KCNIP4: variants seen among roughly 807,000 people sequenced by gnomAD.
KCNIP4 encodes potassium voltage-gated channel interacting protein 4, also known as Kv channel-interacting protein 4.
A neutral mutation model predicts 34.0 loss-of-function variants in KCNIP4; 12 were observed. That is an observed-to-expected ratio of 0.35 (90% CI 0.23 to 0.57). The LOEUF (loss-of-function observed/expected upper bound fraction) is 0.57, where lower values mean the gene tolerates loss of function less well. KCNIP4 is among the 20% of genes least tolerant of loss of function. KCNIP4 has a pLI of 0.83. For synonymous variants in KCNIP4, 124 were observed against 102.2 expected, an observed-to-expected ratio of 1.21 and a Z score of -1.29; for missense variants, 238 against 311.7, an observed-to-expected ratio of 0.76 and a Z score of 1.78.
At chr4:21,558,075 C>T (rs1739219810) in intron 1 of KCNIP4, among the ~76,000 whole-genome samples, 1 of 152,122 alleles carries the variant, frequency 6.6e-6, no homozygotes, top group Non-Finnish European at 1.5e-5. Flanking sequence ...TGTGCCGTGG[C>T]CAGCAGTGTT....
chr4:21,351,551 C>A (rs772741118), intron 1 of KCNIP4, among the ~76,000 whole-genome samples: 3 of 152,142 alleles, frequency 2.0e-5, no homozygotes, highest in Admixed American at 6.5e-5. Context: ...CTTTAAATAG[C>A]AGTGTGAGAA....
At chr4:21,496,012 T>C (rs1732821139) in intron 1 of KCNIP4, among the ~76,000 whole-genome samples, 1 of 152,220 alleles carries the variant, frequency 6.6e-6, no homozygotes, top group South Asian at 2.1e-4. Context: ...TTGATGCAGA[T>C]GGTCCAAGAG....
chr4:21,037,684 C>A lies in KCNIP4; in HGVS notation c.62-154975G>T, dbSNP rs549250972. On this transcript the variant is annotated intron_variant, in intron 1 of 8. Transcript: ENST00000382152. Reference sequence around the variant, plus strand: ...AAGTGGCTAGATCCAGTATCACACGCGGTCTTTGCTAGAAACAAATGAATG... The same window carrying A: ...AAGTGGCTAGATCCAGTATCACACGAGGTCTTTGCTAGAAACAAATGAATG... Among the ~76,000 whole-genome samples, 7 of 152,312 alleles carry A rather than the reference C, an allele frequency of 4.6e-5. No individual in the cohort carries two copies. In the South Asian group the frequency reaches 1.4e-3, roughly 32 times the overall value.
chr4:20,974,652 C>CT (rs1395216887), intron 1 of KCNIP4, among the ~76,000 whole-genome samples: 3 of 152,128 alleles, frequency 2.0e-5, no homozygotes, highest in Admixed American at 6.5e-5. Context: ...ATGCTCTCCA[C>CT]TTTCTAAATA....
chr4:21,115,226 G>A (rs1749585314), intron 1 of KCNIP4, among the ~76,000 whole-genome samples: 1 of 152,118 alleles, frequency 6.6e-6, no homozygotes, highest in Admixed American at 6.6e-5. Context: ...ACCATACACA[G>A]TTTAATACAG....
chr4:21,635,547 A>G (rs546709771), intron 1 of KCNIP4, among the ~76,000 whole-genome samples: 28 of 152,292 alleles, frequency 1.8e-4, no homozygotes, highest in Non-Finnish European at 3.4e-4. Flanking sequence ...AATGCTCATC[A>G]TCACTGGCCA....
chr4:20,740,974 A>G (rs1750932769), intron 5 of KCNIP4, among the ~76,000 whole-genome samples: 1 of 151,994 alleles, frequency 6.6e-6, no homozygotes, highest in Non-Finnish European at 1.5e-5. Flanking sequence ...ACAGACAAAG[A>G]AGGCTATTAC....
At chr4:21,643,098 T>A (rs562573429) in intron 1 of KCNIP4, among the ~76,000 whole-genome samples, 1 of 152,216 alleles carries the variant, frequency 6.6e-6, no homozygotes, top group East Asian at 1.9e-4. Context: ...AGTACAGAAA[T>A]GGGAACTGTG....
chr4:20,861,568 A>G (rs1175843422), intron 2 of KCNIP4, among the ~76,000 whole-genome samples: 1 of 152,222 alleles, frequency 6.6e-6, no homozygotes, highest in African/African-American at 2.4e-5. Context: ...ACAAACACCA[A>G]AAAATGAACA....
At chr4:21,239,446 G>A (rs576854291) in intron 1 of KCNIP4, among the ~76,000 whole-genome samples, 25 of 151,520 alleles carry the variant, frequency 1.6e-4, no homozygotes, top group African/African-American at 4.9e-4. Context: ...GCAACCTACA[G>A]AATGGGAGAA....
intron 1 of KCNIP4, among the ~76,000 whole-genome samples, chr4:21,889,005 G>C (rs936772932): frequency 6.6e-6 from 1 of 152,132 alleles, no homozygotes; most frequent in Non-Finnish European, 1.5e-5. Context: ...TGACAAGTTA[G>C]CCTGAACACA....
At chr4:20,809,713 C>T (rs1425396255) in intron 3 of KCNIP4, among the ~76,000 whole-genome samples, 1 of 152,178 alleles carries the variant, frequency 6.6e-6, no homozygotes, top group South Asian at 2.1e-4. Context: ...AATAAACTTA[C>T]TCTCTTGTAA....
chr4:21,304,709 T>A (rs938359063), intron 1 of KCNIP4: 8 of 152,326 alleles, frequency 5.3e-5, no homozygotes, highest in African/African-American at 1.7e-4. Context: ...TTCTTTCCCA[T>A]GAGTCACCTT....
intron 1 of KCNIP4, among the ~76,000 whole-genome samples, chr4:21,692,941 A>G (rs1000208920): frequency 3.4e-5 from 5 of 147,194 alleles, no homozygotes; most frequent in African/African-American, 1.3e-4. Flanking sequence ...CCCTATGTGT[A>G]AATGTGGCTG....
chr4:21,011,353 G>A lies in KCNIP4; in HGVS notation c.62-128644C>T, dbSNP rs184313095. ...GTCTTCTGATCACTGAGTCATAAGAGTAACACTTCTCAAGTTGTTATTGTT... is the reference window on the plus strand; with the variant it reads ...GTCTTCTGATCACTGAGTCATAAGAATAACACTTCTCAAGTTGTTATTGTT... On this transcript the variant is annotated intron_variant, in intron 1 of 8. Transcript: ENST00000382152. Among the ~76,000 whole-genome samples, 16 of 152,304 alleles carry A rather than the reference G, an allele frequency of 1.1e-4. No individual in the cohort carries two copies. The East Asian group carries it at 1.9e-3, about 18-fold the overall frequency.
intron 3 of KCNIP4, among the ~76,000 whole-genome samples, chr4:20,811,256 AG>A (rs1715715481): frequency 6.6e-6 from 1 of 152,216 alleles, no homozygotes; most frequent in South Asian, 2.1e-4. Flanking sequence ...CGTGAAAAAT[AG>A]GGAAATTCAT....
chr4:21,312,789 G>T (rs769464683), intron 1 of KCNIP4, among the ~76,000 whole-genome samples: 34 of 152,258 alleles, frequency 2.2e-4, no homozygotes, highest in Non-Finnish European at 3.8e-4. Flanking sequence ...GACTGTGAAT[G>T]ATCCCACACT....
intron 1 of KCNIP4, among the ~76,000 whole-genome samples, chr4:21,944,529 C>T (rs944438741): frequency 6.9e-6 from 1 of 145,024 alleles, no homozygotes; most frequent in Non-Finnish European, 1.5e-5. Context: ...TGCACTCCAC[C>T]CTGGGCAACA....
chr4:21,809,856 G>A (rs980017045), intron 1 of KCNIP4, among the ~76,000 whole-genome samples: 2 of 152,122 alleles, frequency 1.3e-5, no homozygotes, highest in Non-Finnish European at 2.9e-5. Flanking sequence ...AGCCTTTTAC[G>A]ATTCACAAGG....
Sources: allele counts gnomAD v4.1 joint callset (sites outside exome capture counted in the v4.1 genomes callset), GRCh38; gene constraint gnomAD v4.1.1; transcripts MANE v1.5; gene names NCBI Gene and HGNC (gene_info 2026-07-23, HGNC 2026-07-21).